PLEKHG1: variants seen among roughly 807,000 people sequenced by gnomAD.
PLEKHG1 encodes pleckstrin homology domain-containing family G member 1.
In PLEKHG1, 44 loss-of-function variants were observed where a neutral mutation model predicts 100.8. The observed-to-expected ratio is 0.44, with a 90% CI of 0.34 to 0.56. PLEKHG1 has a LOEUF of 0.56. Among genes scored for constraint, PLEKHG1 ranks in the 20% least tolerant of loss-of-function variants. The pLI, the probability that PLEKHG1 is intolerant of heterozygous loss-of-function variation, is 0.01. For missense variants in PLEKHG1, 1,545 were observed against 1,720.9 expected (o/e 0.90, Z 1.81); for synonymous variants, 640 against 662.5 (o/e 0.97, Z 0.52).
At chr6:150,619,441 A>G (rs907387553) in intron 1 of PLEKHG1, among the ~76,000 whole-genome samples, 5 of 152,324 alleles carry the variant, frequency 3.3e-5, no homozygotes. Context: ...CCAGCTCAGG[A>G]AACCAGTGAC....
intron 1 of PLEKHG1, among the ~76,000 whole-genome samples, chr6:150,621,319 T>C (rs1777290204): frequency 6.6e-6 from 1 of 152,118 alleles, no homozygotes; most frequent in South Asian, 2.1e-4. Flanking sequence ...CTTCCCTTTT[T>C]GACACATGGG....
In PLEKHG1 at chr6:150,840,555, A is replaced by G. The variant is rs772973070; in HGVS notation, c.3817A>G (p.Thr1273Ala). ...GAATTATTTTTCCAATTTCAAAGAG[A>G]CTGATGGAGATGAAGATGACTATGT... Residue 1273 changes from threonine (T) to alanine (A), a missense_variant, in exon 16 of 16, where the codon ACT becomes GCT. Transcript: ENST00000358517. 3.1e-6 allele frequency: 5 copies of G among 1,614,066 alleles called. No individual in the cohort carries two copies. The East Asian group carries it at 1.1e-4, about 36-fold the overall frequency.
chr6:150,792,573 C>G (rs1293641325), intron 4 of PLEKHG1, among the ~76,000 whole-genome samples: 1 of 151,766 alleles, frequency 6.6e-6, no homozygotes, highest in Non-Finnish European at 1.5e-5. Flanking sequence ...ACTCAGGAGG[C>G]TGAGGCAGGA....
intron 1 of PLEKHG1, among the ~76,000 whole-genome samples, chr6:150,722,548 T>C (rs1781753043): frequency 6.6e-6 from 1 of 152,020 alleles, no homozygotes; most frequent in East Asian, 1.9e-4. Flanking sequence ...GAGACAGGGT[T>C]TCACCATGTT....
chr6:150,608,789 G>A (rs1432347850), intron 1 of PLEKHG1, among the ~76,000 whole-genome samples: 1 of 152,188 alleles, frequency 6.6e-6, no homozygotes, highest in Non-Finnish European at 1.5e-5. Context: ...TTGAAATGCG[G>A]GAATAGTGTA....
intron 3 of PLEKHG1, among the ~76,000 whole-genome samples, chr6:150,699,178 A>G (rs1047414691): frequency 3.5e-4 from 53 of 152,368 alleles, no homozygotes; most frequent in African/African-American, 1.2e-3. Context: ...TAAAGGGTAC[A>G]GGAGGGCCCT....
intron 3 of PLEKHG1, among the ~76,000 whole-genome samples, chr6:150,686,388 G>T (rs1009914845): frequency 6.6e-6 from 1 of 152,190 alleles, no homozygotes; most frequent in South Asian, 2.1e-4. Flanking sequence ...GTTCTCTTTG[G>T]AAAAACAATG....
chr6:150,762,250 C>T (rs970786852), intron 2 of PLEKHG1, among the ~76,000 whole-genome samples: 8 of 150,562 alleles, frequency 5.3e-5, no homozygotes, highest in East Asian at 2.0e-4. Context: ...AGTGCAGTGG[C>T]GCAATCTCAG....
intron 1 of PLEKHG1, among the ~76,000 whole-genome samples, chr6:150,636,487 T>C (rs1214255447): frequency 7.7e-5 from 2 of 26,010 alleles, no homozygotes; most frequent in Middle Eastern, 9.8e-3. Context: ...CTTTTTTTTT[T>C]CTGTTTTTTG....
exon 16 of PLEKHG1, chr6:150,842,600 G>A (rs1353946910): frequency 6.6e-6 from 1 of 152,164 alleles, no homozygotes; most frequent in African/African-American, 2.4e-5. Context: ...ACATTGAATA[G>A]CATGGTCTGG....
chr6:150,623,448 G>A (rs553232479), intron 1 of PLEKHG1, among the ~76,000 whole-genome samples: 6 of 152,256 alleles, frequency 3.9e-5, no homozygotes, highest in African/African-American at 9.6e-5. Context: ...TGTGTCAGGC[G>A]GCCTGTAATG....
intron 1 of PLEKHG1, among the ~76,000 whole-genome samples, chr6:150,622,198 T>C (rs973007046): frequency 1.4e-4 from 22 of 152,270 alleles, no homozygotes; most frequent in African/African-American, 5.3e-4. Context: ...AGTGAATGAA[T>C]CTCAATAAAA....
chr6:150,639,402 G>A (rs906957235), intron 2 of PLEKHG1, among the ~76,000 whole-genome samples: 2 of 151,956 alleles, frequency 1.3e-5, no homozygotes, highest in Non-Finnish European at 2.9e-5. Flanking sequence ...ATTTTTTTGT[G>A]TTTGGAATAT....
At chr6:150,783,436 C>G (rs1160140979) in intron 3 of PLEKHG1, among the ~76,000 whole-genome samples, 1 of 150,730 alleles carries the variant, frequency 6.6e-6, no homozygotes, top group Non-Finnish European at 1.5e-5. Flanking sequence ...ATGGTGCAAT[C>G]TCGGCTCACT....
chr6:150,733,137 G>T (rs918250190), intron 1 of PLEKHG1, among the ~76,000 whole-genome samples: 7 of 152,072 alleles, frequency 4.6e-5, no homozygotes, highest in Admixed American at 6.5e-5. Flanking sequence ...AATCACGTCG[G>T]GTCCCTTTTA....
At chr6:150,828,158 G>T (rs932055250) in intron 14 of PLEKHG1, 4 of 1,613,576 alleles carry the variant, frequency 2.5e-6, no homozygotes, top group African/African-American at 1.3e-5. Flanking sequence ...ATCTGCCCAC[G>T]ATATTTGTTT....
chr6:150,792,489 A>G (rs1248691763), intron 4 of PLEKHG1, among the ~76,000 whole-genome samples: 2 of 151,560 alleles, frequency 1.3e-5, no homozygotes, highest in Admixed American at 6.6e-5. Flanking sequence ...CCTGGCCAAC[A>G]TGGCTAAACC....
intron 3 of PLEKHG1, among the ~76,000 whole-genome samples, chr6:150,655,705 CT>C (rs1459320779): frequency 1.1e-5 from 1 of 89,662 alleles, no homozygotes. Context: ...GAGACTCCAT[CT>C]CAAAAAAAAA....
In PLEKHG1 at chr6:150,831,192, A is replaced by G. The variant is rs1485068934; in HGVS notation, c.2081A>G (p.Lys694Arg). The change falls in exon 15 of 16, where the codon AAG becomes AGG. Residue 694 changes from lysine to arginine, a missense_variant. By Grantham distance (26) the Lys-to-Arg change is conservative. Transcript: ENST00000358517. This position sits in a 1 kb window ranked among gnomAD's most constrained non-coding sequence, Gnocchi z 4.1. ...TCAGCCAGGGACTCCGTTCGCCCCA[A>G]GAGCACCCCAGAGTTAGCCTTCACA... The G allele has an allele frequency of 8.1e-6, 13 of 1,614,200 alleles. No individual in the cohort carries two copies. Among genetic ancestry groups the G allele is most frequent in the Non-Finnish European group, 1.1e-5 (13 of 1,180,034 alleles).
Sources: allele counts gnomAD v4.1 joint callset (sites outside exome capture counted in the v4.1 genomes callset), GRCh38; gene constraint gnomAD v4.1.1; non-coding constraint Gnocchi (gnomAD v3.1); transcripts MANE v1.5; gene names NCBI Gene and HGNC (gene_info 2026-07-23, HGNC 2026-07-21).